Variants in DENND5B observed in about 807,000 individuals in gnomAD.
DENND5B encodes the protein DENN domain-containing protein 5B.
Under a neutral mutation model 140.6 loss-of-function variants are expected in DENND5B, and 34 were observed. The ratio of observed to expected loss-of-function variants is 0.24; its 90% CI spans 0.18 to 0.32. The LOEUF is 0.32. Ranked by LOEUF, DENND5B falls within the 10% of genes least tolerant of loss-of-function variation. The probability of loss-of-function intolerance (pLI) is 1.00; values close to 1 mark genes in which losing one functional copy is unlikely to be tolerated. For missense variants in DENND5B, 1,142 were observed against 1,560.2 expected (o/e 0.73, Z 4.52); for synonymous variants, 551 against 562.1 (o/e 0.98, Z 0.28).
At position 31,443,044 on chromosome 12, in the gene DENND5B, T is replaced by TG. The variant is rs1565582920; in HGVS notation, c.1862-120_1862-119insC. ...TCACTCTGACACTCTGAAACAGATA[T>TG]TGTGTGTGTGTGTGTGTGTGCACGC... is the stretch of plus-strand genomic sequence containing the variant. On this transcript the variant is annotated intron_variant, in intron 6 of 20. Transcript: ENST00000389082. The TG allele has an allele frequency of 2.1e-3, 1,063 of 506,270 alleles. 9 individuals carry two copies. The East Asian group carries it at 0.033, about 16-fold the overall frequency. The allele number at this position is 506,270 out of a possible 1,614,324, so 31.4% of individuals were successfully genotyped here.
chr12:31,402,713 A>T lies in DENND5B; in HGVS notation c.2804-70T>A, dbSNP rs1941870287. Reference sequence around the variant, plus strand: ...TCTCCTTATAACAAAACATATATTAAGAACTCTTGTTGGTTTTCATTGATA... The same window carrying T: ...TCTCCTTATAACAAAACATATATTATGAACTCTTGTTGGTTTTCATTGATA... On this transcript the variant is annotated intron_variant, in intron 14 of 20. Coordinates refer to ENST00000389082, the MANE Select transcript of DENND5B (RefSeq NM_144973.4). 2.7e-6 allele frequency: 4 copies of T among 1,487,924 alleles called. No individual in the cohort carries two copies. In the Admixed American group the frequency reaches 8.9e-5, roughly 33 times the overall value. The allele number at this position is 1,487,924 out of a possible 1,614,324, so 92.2% of individuals were successfully genotyped here. A position where few individuals can be genotyped will look rare whatever the true frequency, so the allele number is the denominator to read the frequency against.
chr12:31,482,600 G>A (rs1280581193), intron 2 of DENND5B, among the ~76,000 whole-genome samples: 1 of 150,494 alleles, frequency 6.6e-6, no homozygotes, highest in African/African-American at 2.4e-5. Context: ...TTTTTTAGAG[G>A]TGAGGTCTTG....
At chr12:31,588,787 T>C (rs1248291638) in intron 1 of DENND5B, among the ~76,000 whole-genome samples, 2 of 152,220 alleles carry the variant, frequency 1.3e-5, no homozygotes. Flanking sequence ...GATTTCTGAC[T>C]GCTTTCTTCA....
At chr12:31,529,596 G>T (rs371874655) in intron 1 of DENND5B, among the ~76,000 whole-genome samples, 11 of 152,132 alleles carry the variant, frequency 7.2e-5, no homozygotes, top group African/African-American at 2.6e-4. Flanking sequence ...AGACCAAGGT[G>T]GGGGGATCGC....
At chr12:31,394,072 A>T (rs1324361008) in intron 17 of DENND5B, among the ~76,000 whole-genome samples, 1 of 152,048 alleles carries the variant, frequency 6.6e-6, no homozygotes, top group Non-Finnish European at 1.5e-5. Context: ...CTTATAATTG[A>T]AGTACTGATA....
At chr12:31,436,127 C>T (rs1002016901) in intron 7 of DENND5B, among the ~76,000 whole-genome samples, 2 of 150,024 alleles carry the variant, frequency 1.3e-5, no homozygotes, top group African/African-American at 4.9e-5. Context: ...TTTTTTGAGA[C>T]GGAGTCTCAG....
chr12:31,499,680 T>C lies in DENND5B; in HGVS notation c.128-3761A>G, dbSNP rs1591931692. The C allele has an allele frequency of 6.2e-6, 9 of 1,451,346 alleles. No homozygotes were observed. In the East Asian group the frequency reaches 2.3e-4, roughly 38 times the overall value. The allele number at this position is 1,451,346 out of a possible 1,614,324, so 89.9% of individuals were successfully genotyped here. Reference sequence around the variant, plus strand: ...TAGCCATTGGTACAAAACTACATAATGTAACAGAAACAAAAAAGCTTTATG... The same window carrying C: ...TAGCCATTGGTACAAAACTACATAACGTAACAGAAACAAAAAAGCTTTATG... On this transcript the variant is annotated intron_variant, in intron 1 of 20. Transcript: ENST00000389082.
chr12:31,413,640 G>A (rs1942583065), intron 12 of DENND5B, 76 bp from the exon 13 acceptor site: 1 of 1,476,050 alleles, frequency 6.8e-7, no homozygotes, highest in Non-Finnish European at 9.1e-7. Flanking sequence ...AGAGTGAACA[G>A]TACTGGGCAC....
chr12:31,447,202 C>T (rs1944312947), intron 6 of DENND5B, among the ~76,000 whole-genome samples: 1 of 151,244 alleles, frequency 6.6e-6, no homozygotes, highest in Non-Finnish European at 1.5e-5. Context: ...ACCCAGGAGG[C>T]GGAGGTTGCA....
At chr12:31,443,060 G>GTA in intron 6 of DENND5B, 135 bp from the exon 7 acceptor site, 1 of 826,960 alleles carries the variant, frequency 1.2e-6, no homozygotes, top group Non-Finnish European at 1.8e-6. Flanking sequence ...GTGTGTGTGT[G>GTA]TGTGCACGCA....
At chr12:31,570,704 A>G (rs377162824) in intron 1 of DENND5B, among the ~76,000 whole-genome samples, 11 of 152,038 alleles carry the variant, frequency 7.2e-5, no homozygotes, top group African/African-American at 2.7e-4. Flanking sequence ...ATTTTCAGTA[A>G]ATTGATAGGT....
intron 7 of DENND5B, among the ~76,000 whole-genome samples, chr12:31,440,892 C>T (rs1346720553): frequency 6.6e-6 from 1 of 152,196 alleles, no homozygotes; most frequent in Non-Finnish European, 1.5e-5. Flanking sequence ...TGCACCACCA[C>T]ACCCAGCTAA....
intron 1 of DENND5B, among the ~76,000 whole-genome samples, chr12:31,520,252 T>G (rs138381734): frequency 2.0e-5 from 3 of 152,362 alleles, no homozygotes; most frequent in African/African-American, 4.8e-5. Context: ...CCTGCAGATA[T>G]TCTGCGTTGA....
chr12:31,430,053 T>G (rs1171325386), intron 8 of DENND5B, among the ~76,000 whole-genome samples: 1 of 151,374 alleles, frequency 6.6e-6, no homozygotes. Flanking sequence ...GACAGAGTCT[T>G]GGTCTGCTGC....
At chr12:31,454,812 CTTTTTTTTTTTTT>C (rs201720111) in intron 4 of DENND5B, among the ~76,000 whole-genome samples, 2 of 93,880 alleles carry the variant, frequency 2.1e-5, no homozygotes, top group Non-Finnish European at 1.9e-5. Flanking sequence ...GATTCAGTAT[CTTTTTTTTTTTTT>C]TTTTTTTTTT....
chr12:31,454,431 T>C (rs11608341), intron 4 of DENND5B, among the ~76,000 whole-genome samples: 3,231 of 152,244 alleles, frequency 0.021, 54 homozygotes, highest in Admixed American at 0.028. Context: ...ACAGTAGCAC[T>C]GCCTACACCA....
chr12:31,432,039 A>G, intron 8 of DENND5B: 1 of 984,608 alleles, frequency 1.0e-6, no homozygotes, highest in South Asian at 4.7e-5. Context: ...AGCAAAGAAC[A>G]TACCAGGCAG....
At chr12:31,534,800 G>T (rs965038265) in intron 1 of DENND5B, 1 of 446,890 alleles carries the variant, frequency 2.2e-6, no homozygotes, top group Non-Finnish European at 4.4e-6. Context: ...ATCAAATGCC[G>T]TTTCTTTGAA....
chr12:31,567,772 C>G (rs1022458976), intron 1 of DENND5B, among the ~76,000 whole-genome samples: 5 of 152,192 alleles, frequency 3.3e-5, no homozygotes, highest in African/African-American at 1.2e-4. Context: ...GATCTCACCA[C>G]TGCACTCCAG....
Sources: gnomAD v4.1 joint callset for allele counts (sites outside exome capture counted in the v4.1 genomes callset) on GRCh38, gnomAD v4.1.1 for gene constraint, MANE v1.5 for transcripts, NCBI Gene and HGNC (gene_info 2026-07-23, HGNC 2026-07-21) for gene names.